EFNB1: variants seen among roughly 807,000 people sequenced by gnomAD.
The protein encoded by EFNB1 is ephrin-B1.
EFNB1 carries 1 observed loss-of-function variant against 18.1 expected under a neutral mutation model. The observed-to-expected ratio is 0.06, with a 90% CI of 0.02 to 0.26. EFNB1 has a LOEUF of 0.26. EFNB1 is among the 10% of genes least tolerant of loss of function. EFNB1 has a pLI of 1.00. For synonymous variants in EFNB1, 131 were observed against 127.5 expected, an observed-to-expected ratio of 1.03 and a Z score of -0.19; for missense variants, 221 against 301.8, an observed-to-expected ratio of 0.73 and a Z score of 1.98.
At chrX:68,838,172 TGCGC>T (rs773925031) in intron 1 of EFNB1, among the ~76,000 whole-genome samples, 458 of 31,734 alleles carry the variant, frequency 0.014, 4 homozygotes, top group Admixed American at 0.038. Flanking sequence ...TGTGTGTGTG[TGCGC>T]GCGCGCGCGC....
intron 1 of EFNB1, among the ~76,000 whole-genome samples, chrX:68,834,889 C>T (rs180875896): frequency 1.2e-4 from 13 of 112,392 alleles, no homozygotes; most frequent in African/African-American, 4.2e-4. Context: ...GCAAGACCCT[C>T]CTAGCTGCAA....
At chrX:68,832,933 C>G in intron 1 of EFNB1, among the ~76,000 whole-genome samples, 1 of 110,651 alleles carries the variant, frequency 9.0e-6, no homozygotes, top group Non-Finnish European at 1.9e-5. Flanking sequence ...AGGCCTCACA[C>G]TTGAGTCCTC....
intron 1 of EFNB1, among the ~76,000 whole-genome samples, chrX:68,830,567 C>T (rs995948444): frequency 8.9e-6 from 1 of 112,804 alleles, no homozygotes. Context: ...TGGAGAGGGG[C>T]GGAGTGGGAG....
Position 68,842,121 on chromosome X carries a change from A to G in EFNB1, c.*1467A>G, listed in dbSNP as rs1022627251. The G allele has an allele frequency of 1.8e-5, 2 of 112,061 alleles. No homozygotes were observed. Among genetic ancestry groups the G allele is most frequent in the Non-Finnish European group, 3.8e-5 (2 of 53,118 alleles). 9.2% of individuals were successfully genotyped at this position (112,061 alleles called of 1,213,427 possible). On this transcript the variant is annotated 3_prime_UTR_variant, in exon 5 of 5. Transcript: ENST00000204961. Reference sequence around the variant, plus strand: ...TATTTTCTTGTTGCTTTTTTCTTAGAAAAAAATGAGAACTAAAAAAAAAAA... The same window carrying G: ...TATTTTCTTGTTGCTTTTTTCTTAGGAAAAAATGAGAACTAAAAAAAAAAA...
intron 1 of EFNB1, among the ~76,000 whole-genome samples, chrX:68,832,878 G>A (rs993380500): frequency 9.2e-6 from 1 of 108,227 alleles, no homozygotes; most frequent in Non-Finnish European, 1.9e-5. Context: ...GGTCCTAGGC[G>A]ACCCCTCCCG....
intron 1 of EFNB1, among the ~76,000 whole-genome samples, chrX:68,833,352 CT>C (rs1417151664): frequency 8.9e-6 from 1 of 112,187 alleles, no homozygotes; most frequent in Non-Finnish European, 1.9e-5. Context: ...CCCTGTTCCC[CT>C]GCCTCCCCTC....
chrX:68,834,091 C>T (rs140383903), intron 1 of EFNB1, among the ~76,000 whole-genome samples: 182 of 112,292 alleles, frequency 1.6e-3, no homozygotes, highest in Non-Finnish European at 2.6e-3. Flanking sequence ...CCTCTTACCT[C>T]GCAGGTGTGC....
At chrX:68,835,403 T>C (rs1224184435) in intron 1 of EFNB1, among the ~76,000 whole-genome samples, 3 of 111,503 alleles carry the variant, frequency 2.7e-5, no homozygotes, top group African/African-American at 9.8e-5. Context: ...CTTCGGGATA[T>C]CTCTTCCTCC....
intron 2 of EFNB1, among the ~76,000 whole-genome samples, chrX:68,839,327 C>G (rs7885471): frequency 0.01 from 1,166 of 112,210 alleles, 19 homozygotes; most frequent in African/African-American, 0.036. Flanking sequence ...ACCCAGTTCT[C>G]CTGATTCCTA....
intron 1 of EFNB1, among the ~76,000 whole-genome samples, chrX:68,831,152 C>T (rs1343342125): frequency 9.0e-6 from 1 of 111,296 alleles, no homozygotes; most frequent in African/African-American, 3.3e-5. Flanking sequence ...AAATTTCTTC[C>T]TGTCCACTCT....
rs2080438445 is a variant in EFNB1, at chrX:68,829,612, G to A, written c.-165G>A. The A allele has an allele frequency of 1.1e-6, 1 of 895,024 alleles. No individual in the cohort carries two copies. The highest frequency in any genetic ancestry group is 1.5e-6 in the Non-Finnish European group (1 of 646,713). The allele number at this position is 895,024 out of a possible 1,213,427, so 73.8% of individuals were successfully genotyped here. A position where few individuals can be genotyped will look rare whatever the true frequency, so the allele number is the denominator to read the frequency against. On this transcript the variant is annotated 5_prime_UTR_variant, in exon 1 of 5. Coordinates refer to ENST00000204961, the MANE Select transcript of EFNB1 (RefSeq NM_004429.5). Reference sequence around the variant, plus strand: ...AGTGAGTCCTCCTGGCCGGCCGGGCGGAGAAGAGCGACACCGAAGCCGGCG... The same window carrying A: ...AGTGAGTCCTCCTGGCCGGCCGGGCAGAGAAGAGCGACACCGAAGCCGGCG...
rs2080438620 is a variant in EFNB1 at position 68,829,657 on chromosome X, C to T, written c.-120C>T. The T allele has an allele frequency of 1.8e-6, 2 of 1,111,975 alleles. No homozygotes were observed. Among genetic ancestry groups the T allele is most frequent in the East Asian group, 6.6e-5 (2 of 30,392 alleles). 91.6% of individuals were successfully genotyped at this position (1,111,975 alleles called of 1,213,427 possible). On this transcript the variant is annotated 5_prime_UTR_variant, in exon 1 of 5. Coordinates refer to ENST00000204961, the MANE Select transcript of EFNB1 (RefSeq NM_004429.5). ...CCGGCGGGAGGGGAGCACTTCAAGG[C>T]CGGCGGCTGCGGAGGATGGGCGCCT...
Position 68,842,013 on chromosome X carries a change from T to C in EFNB1, c.*1359T>C, listed in dbSNP as rs917478696. 3 of 112,929 alleles carry C rather than the reference T, an allele frequency of 2.7e-5. No homozygotes were observed. Among genetic ancestry groups the C allele is most frequent in the African/African-American group, 9.7e-5 (3 of 30,982 alleles). The allele number at this position is 112,929 out of a possible 1,213,427, so 9.3% of individuals were successfully genotyped here. ...CAGGTGGCAGTCGGAAGGGTTTTTG[T>C]TTTTGTTTCTGTTGCCATTTGTGTA... On this transcript the variant is annotated 3_prime_UTR_variant, in exon 5 of 5. Coordinates refer to ENST00000204961, the MANE Select transcript of EFNB1 (RefSeq NM_004429.5).
intron 1 of EFNB1, among the ~76,000 whole-genome samples, chrX:68,837,572 A>G (rs1055954727): frequency 1.8e-5 from 2 of 112,362 alleles, no homozygotes; most frequent in East Asian, 2.8e-4. Context: ...GAAATGGCCA[A>G]TGGAGCACCA....
At chrX:68,832,591 G>A (rs773873165) in intron 1 of EFNB1, among the ~76,000 whole-genome samples, 217 of 111,810 alleles carry the variant, frequency 1.9e-3, no homozygotes, top group Non-Finnish European at 2.9e-3. Flanking sequence ...AGGTGCGTGC[G>A]GCCCGGCCCC....
rs1185932589 is a variant in EFNB1, at chrX:68,829,403, C to T, written c.-374C>T. ...GAGGCGTCGGGGCGGTCACCGAGACCTCTGCGGGAAGACCCCGTCGGGGAG... is the reference window on the plus strand; with the variant it reads ...GAGGCGTCGGGGCGGTCACCGAGACTTCTGCGGGAAGACCCCGTCGGGGAG... On this transcript the variant is annotated 5_prime_UTR_variant, in exon 1 of 5. Coordinates refer to ENST00000204961, the MANE Select transcript of EFNB1 (RefSeq NM_004429.5). 2 of 232,251 alleles carry T rather than the reference C, an allele frequency of 8.6e-6. No homozygotes were observed. The highest frequency in any genetic ancestry group is 1.3e-4 in the East Asian group (1 of 7,609). 19.1% of individuals were successfully genotyped at this position (232,251 alleles called of 1,213,427 possible).
At position 68,840,450 on chromosome X, in the gene EFNB1, C is replaced by T. The variant is rs1428427902; in HGVS notation, c.837C>T (p.Ala279=). 1 of 1,211,885 alleles carries T rather than the reference C, an allele frequency of 8.3e-7. No homozygotes were observed. The highest frequency in any genetic ancestry group is 1.1e-6 in the Non-Finnish European group (1 of 895,465). Residue 279 remains alanine, a synonymous_variant, in exon 5 of 5, where the codon GCC becomes GCT. Coordinates refer to ENST00000204961, the MANE Select transcript of EFNB1 (RefSeq NM_004429.5). ...HRKHTQQRAA[A]LSLSTLASPK... is the part of the protein sequence containing the mutation. ...AGCACACACAGCAGCGGGCGGCTGC[C>T]CTCTCGCTCAGTACCCTGGCCAGTC...
intron 1 of EFNB1, among the ~76,000 whole-genome samples, chrX:68,833,084 G>A: frequency 9.1e-6 from 1 of 110,251 alleles, no homozygotes; most frequent in Admixed American, 9.6e-5. Flanking sequence ...GGGTGGGGGT[G>A]GGGGGGTTCA....
rs1306731741 is a variant in EFNB1 at position 68,829,305 on chromosome X, G to T, written c.-472G>T. ...AGCCCGTGCCAGGGCGGCCCAGTCG[G>T]GAGCCCGGGGACCGAGCTTGTGCTG... is the stretch of plus-strand genomic sequence containing the variant. On this transcript the variant is annotated 5_prime_UTR_variant, in exon 1 of 5. Coordinates refer to ENST00000204961, the MANE Select transcript of EFNB1 (RefSeq NM_004429.5). 1 of 160,725 alleles carries T rather than the reference G, an allele frequency of 6.2e-6. No individual in the cohort carries two copies. The highest frequency in any genetic ancestry group is 1.2e-5 in the Non-Finnish European group (1 of 84,864). 13.2% of individuals were successfully genotyped at this position (160,725 alleles called of 1,213,427 possible).
Sources: gnomAD v4.1 joint callset for allele counts (sites outside exome capture counted in the v4.1 genomes callset) on GRCh38, gnomAD v4.1.1 for gene constraint, MANE v1.5 for transcripts, NCBI Gene and HGNC (gene_info 2026-07-23, HGNC 2026-07-21) for gene names.